The following ROBO2 variants were observed in gnomAD, a reference collection of about 807,000 sequenced individuals.
ROBO2 encodes the protein roundabout homolog 2.
A neutral mutation model predicts 160.8 loss-of-function variants in ROBO2; 53 were observed. The observed-to-expected ratio is 0.33, with a 90% CI of 0.26 to 0.41. The LOEUF (loss-of-function observed/expected upper bound fraction) is 0.41, where lower values mean the gene tolerates loss of function less well. Ranked by LOEUF, ROBO2 falls within the 10% of genes least tolerant of loss-of-function variation. The pLI, the probability that ROBO2 is intolerant of heterozygous loss-of-function variation, is 1.00. For synonymous variants in ROBO2, 664 were observed against 611.7 expected, an observed-to-expected ratio of 1.09 and a Z score of -1.26; for missense variants, 1,577 against 1,722.4, an observed-to-expected ratio of 0.92 and a Z score of 1.49.
At chr3:77,012,503 G>A (rs2061981988) in intron 2 of ROBO2, among the ~76,000 whole-genome samples, 1 of 152,164 alleles carries the variant, frequency 6.6e-6, no homozygotes, top group African/African-American at 2.4e-5. Flanking sequence ...TAGTATGTAT[G>A]CTTTGTTGTG....
At chr3:76,885,428 T>C (rs1444869526) in intron 2 of ROBO2, among the ~76,000 whole-genome samples, 1 of 152,180 alleles carries the variant, frequency 6.6e-6, no homozygotes, top group Non-Finnish European at 1.5e-5. Context: ...ATTTATCTGA[T>C]ATTATAAGAT....
At chr3:76,146,994 G>A (rs1427701496) in intron 2 of ROBO2, among the ~76,000 whole-genome samples, 1 of 150,998 alleles carries the variant, frequency 6.6e-6, no homozygotes, top group Admixed American at 6.6e-5. Context: ...GGAGGTGGGA[G>A]AAGATCAGGA....
intron 2 of ROBO2, among the ~76,000 whole-genome samples, chr3:75,948,933 A>G (rs1384256974): frequency 6.6e-6 from 1 of 152,052 alleles, no homozygotes; most frequent in African/African-American, 2.4e-5. Context: ...TTATTTCCAT[A>G]CGGTATTTAT....
chr3:76,053,676 T>C (rs990890531), intron 2 of ROBO2, among the ~76,000 whole-genome samples: 1 of 152,094 alleles, frequency 6.6e-6, no homozygotes, highest in African/African-American at 2.4e-5. Flanking sequence ...TGTGCTGCTT[T>C]TGGCATTAGA....
chr3:76,183,053 T>C (rs375275923), intron 2 of ROBO2, among the ~76,000 whole-genome samples: 3 of 152,154 alleles, frequency 2.0e-5, no homozygotes, highest in Admixed American at 1.3e-4. Context: ...CTTTGCTTGA[T>C]GGAATTTAGC....
chr3:77,388,670 A>C (rs2074387304), intron 2 of ROBO2, among the ~76,000 whole-genome samples: 1 of 152,202 alleles, frequency 6.6e-6, no homozygotes, highest in Admixed American at 6.5e-5. Flanking sequence ...CTCACAATTA[A>C]TATCAAGTTC....
intron 2 of ROBO2, among the ~76,000 whole-genome samples, chr3:76,540,481 T>G (rs1004264294): frequency 7.2e-5 from 11 of 152,166 alleles, no homozygotes; most frequent in African/African-American, 2.7e-4. Flanking sequence ...ACTAACTGCT[T>G]CCATTGCAGA....
intron 2 of ROBO2, among the ~76,000 whole-genome samples, chr3:76,955,620 T>C (rs2079199087): frequency 6.6e-6 from 1 of 152,232 alleles, no homozygotes; most frequent in African/African-American, 2.4e-5. Context: ...ACCATCTTTT[T>C]ATATTCTTAC....
intron 2 of ROBO2, among the ~76,000 whole-genome samples, chr3:77,326,495 A>T (rs964920040): frequency 6.6e-6 from 1 of 152,188 alleles, no homozygotes; most frequent in East Asian, 1.9e-4. Flanking sequence ...AATCATTTCC[A>T]TTTATATTTT....
At chr3:77,566,861 G>T (rs2093497688) in intron 12 of ROBO2, among the ~76,000 whole-genome samples, 1 of 151,968 alleles carries the variant, frequency 6.6e-6, no homozygotes, top group African/African-American at 2.4e-5. Context: ...TTTGCAATCT[G>T]CAAAGCATTT....
chr3:76,927,536 T>C (rs2077061530), intron 2 of ROBO2, among the ~76,000 whole-genome samples: 1 of 152,212 alleles, frequency 6.6e-6, no homozygotes, highest in Non-Finnish European at 1.5e-5. Context: ...AAATATTTTT[T>C]AAGGTTCTTG....
chr3:77,463,084 C>A (rs1044340038), intron 2 of ROBO2, among the ~76,000 whole-genome samples: 1 of 152,048 alleles, frequency 6.6e-6, no homozygotes, highest in Admixed American at 6.6e-5. Context: ...CATGAGGGGA[C>A]CATCTTTCAT....
chr3:77,189,785 T>A (rs1472781981), intron 2 of ROBO2, among the ~76,000 whole-genome samples: 1 of 151,930 alleles, frequency 6.6e-6, no homozygotes, highest in Non-Finnish European at 1.5e-5. Flanking sequence ...TTAATATTTA[T>A]TGAATGCTTT....
At chr3:76,748,629 A>G in intron 2 of ROBO2, among the ~76,000 whole-genome samples, 1 of 151,816 alleles carries the variant, frequency 6.6e-6, no homozygotes, top group Middle Eastern at 3.2e-3. Flanking sequence ...GGACTTAAAG[A>G]CAAATTAAAA....
At chr3:77,166,609 G>A (rs1312586418) in intron 2 of ROBO2, among the ~76,000 whole-genome samples, 1 of 152,156 alleles carries the variant, frequency 6.6e-6, no homozygotes, top group Non-Finnish European at 1.5e-5. Context: ...CCCAGGCTGG[G>A]GTGCGGTGGC....
At chr3:76,608,938 G>A (rs547716507) in intron 2 of ROBO2, among the ~76,000 whole-genome samples, 199 of 152,000 alleles carry the variant, frequency 1.3e-3, no homozygotes, top group African/African-American at 4.3e-3. Context: ...ACCTTTCCCC[G>A]AGCCTCCAAG....
chr3:76,578,795 G>A (rs1278767607), intron 2 of ROBO2, among the ~76,000 whole-genome samples: 2 of 151,990 alleles, frequency 1.3e-5, no homozygotes, highest in Non-Finnish European at 2.9e-5. Context: ...CAGCCTCCAC[G>A]GCATCTGTAA....
intron 2 of ROBO2, among the ~76,000 whole-genome samples, chr3:77,473,440 C>CTTTTTTTTTTTTTTTT (rs71104688): frequency 2.6e-5 from 2 of 77,934 alleles, no homozygotes; most frequent in African/African-American, 9.3e-5. Context: ...ACAAACTGCT[C>CTTTTTTTTTTTTTTTT]TTTTTTTTTT....
intron 2 of ROBO2, among the ~76,000 whole-genome samples, chr3:75,977,658 C>T (rs544795488): frequency 3.2e-4 from 48 of 151,448 alleles, no homozygotes; most frequent in Middle Eastern, 3.4e-3. Context: ...GATGGATGAA[C>T]GCTCATGATA....
Sources: allele counts gnomAD v4.1 joint callset (sites outside exome capture counted in the v4.1 genomes callset), GRCh38; gene constraint gnomAD v4.1.1; transcripts MANE v1.5; gene names NCBI Gene and HGNC (gene_info 2026-07-23, HGNC 2026-07-21).